The following NUP93 variants were observed in gnomAD, a reference collection of about 807,000 sequenced individuals.
The protein encoded by NUP93 is nucleoporin 93.
In NUP93, 55 loss-of-function variants were observed where a neutral mutation model predicts 107.8. The ratio of observed to expected loss-of-function variants is 0.51; its 90% CI spans 0.41 to 0.64. The LOEUF (loss-of-function observed/expected upper bound fraction) is 0.64, where lower values mean the gene tolerates loss of function less well. Among genes scored for constraint, NUP93 ranks in the 30% least tolerant of loss-of-function variants. The probability of loss-of-function intolerance (pLI) is 0.00; values close to 1 mark genes in which losing one functional copy is unlikely to be tolerated. For missense variants in NUP93, 937 were observed against 1,044.7 expected, an observed-to-expected ratio of 0.90 and a Z score of 1.42; for synonymous variants, 390 against 397.5, an observed-to-expected ratio of 0.98 and a Z score of 0.22.
At position 56,747,247 on chromosome 16, in the gene NUP93, G is replaced by A. The variant is rs1007971729; in HGVS notation, c.-14-987G>A. ...ACTCCTGACCTCAGGCGATCTGCCC[G>A]CCTCGGCCTCCCAGAGTGCTGGGAT... is the stretch of plus-strand genomic sequence containing the variant. On this transcript the variant is annotated intron_variant, in intron 1 of 21. Coordinates refer to ENST00000308159, the MANE Select transcript of NUP93 (RefSeq NM_014669.5). 1.2e-4 allele frequency among the ~76,000 whole-genome samples: 19 copies of A among 152,280 alleles called. No homozygotes were observed. In the East Asian group the frequency reaches 1.5e-3, roughly 12 times the overall value.
At chr16:56,827,969 A>G (rs1963702350) in intron 8 of NUP93, among the ~76,000 whole-genome samples, 2 of 152,218 alleles carry the variant, frequency 1.3e-5, no homozygotes, top group South Asian at 4.1e-4. Context: ...AAAACACGAA[A>G]ATTAGCTGGG....
intron 3 of NUP93, among the ~76,000 whole-genome samples, chr16:56,796,463 C>T (rs1354026621): frequency 1.3e-5 from 2 of 152,150 alleles, no homozygotes; most frequent in East Asian, 1.9e-4. Context: ...ATGATGAAAT[C>T]GCCTAGTAGG....
chr16:56,828,843 T>C, intron 8 of NUP93, 134 bp from the exon 9 acceptor site: 1 of 819,692 alleles, frequency 1.2e-6, no homozygotes, highest in South Asian at 1.7e-5. Flanking sequence ...GCATGTACTA[T>C]TTCCTCTTCT....
chr16:56,754,667 CACATGGTGCAAACCATCAGT>C (rs1343397546), intron 2 of NUP93, among the ~76,000 whole-genome samples: 1 of 152,196 alleles, frequency 6.6e-6, no homozygotes, highest in African/African-American at 2.4e-5. Flanking sequence ...CTTTTCTAGG[CACATGGTGCAAACCATCAGT>C]GGGTCTACCA....
intron 20 of NUP93, chr16:56,839,832 A>G: frequency 1.6e-5 from 8 of 501,190 alleles, no homozygotes; most frequent in Non-Finnish European, 2.2e-5. Flanking sequence ...CAGTCACTTC[A>G]GTGATTGACA....
intron 12 of NUP93, 66 bp from the exon 13 acceptor site, chr16:56,833,149 G>A: frequency 7.1e-7 from 1 of 1,414,152 alleles, no homozygotes; most frequent in Non-Finnish European, 9.6e-7. Flanking sequence ...CTGCCTGGGG[G>A]TTGGGCCACC....
chr16:56,840,996 C>CAA (rs11428485), intron 20 of NUP93, among the ~76,000 whole-genome samples: 1,002 of 98,142 alleles, frequency 0.01, 20 homozygotes, highest in African/African-American at 0.037. Flanking sequence ...GACTTTGTCT[C>CAA]AAAAAAAAAA....
intron 2 of NUP93, among the ~76,000 whole-genome samples, chr16:56,754,999 G>T (rs1961993190): frequency 6.6e-6 from 1 of 152,246 alleles, no homozygotes; most frequent in Non-Finnish European, 1.5e-5. Context: ...TGTTGGCGAG[G>T]ATGTGGGAAA....
chr16:56,831,592 A>G (rs983393957), intron 10 of NUP93: 4 of 416,452 alleles, frequency 9.6e-6, no homozygotes, highest in African/African-American at 6.1e-5. Flanking sequence ...ATTCCCTGGC[A>G]TTTCTCACCT....
intron 3 of NUP93, among the ~76,000 whole-genome samples, chr16:56,785,811 T>TAC (rs1160003933): frequency 7.0e-4 from 107 of 152,368 alleles, no homozygotes; most frequent in African/African-American, 2.4e-3. Flanking sequence ...AAAGATTTAA[T>TAC]TAGCACTTAT....
chr16:56,826,482 C>CTCCA (rs569940695), intron 8 of NUP93, among the ~76,000 whole-genome samples: 107 of 146,598 alleles, frequency 7.3e-4, no homozygotes, highest in African/African-American at 2.5e-3. Context: ...TGCCACTGCA[C>CTCCA]TCCAGTCTGG....
chr16:56,839,837 T>C (rs947896574), intron 20 of NUP93: 3 of 493,428 alleles, frequency 6.1e-6, no homozygotes, highest in South Asian at 4.3e-5. Flanking sequence ...ACTTCAGTGA[T>C]TGACATGTTC....
intron 2 of NUP93, among the ~76,000 whole-genome samples, chr16:56,751,302 A>T (rs1247989742): frequency 6.6e-6 from 1 of 152,206 alleles, no homozygotes; most frequent in East Asian, 1.9e-4. Context: ...GTAAACATTT[A>T]TTACCCCAAA....
At chr16:56,841,617 C>A in intron 20 of NUP93, 88 bp from the exon 21 acceptor site, 1 of 1,529,874 alleles carries the variant, frequency 6.5e-7, no homozygotes. Flanking sequence ...GCAACCAGGC[C>A]TGCCTGGAGC....
At position 56,832,003 on chromosome 16, in the gene NUP93, T is replaced by G. The variant is rs1461242749; in HGVS notation, c.1247T>G (p.Leu416Arg). The G allele has an allele frequency of 6.2e-7, 1 of 1,614,024 alleles. No homozygotes were observed. Reference sequence around the variant, plus strand: ...GACAAAACTGAGGATTACCTGTGGCTGAAGGTAGGCACTGTTTCCCCTGCC... The same window carrying G: ...GACAAAACTGAGGATTACCTGTGGCGGAAGGTAGGCACTGTTTCCCCTGCC... ...VADKTEDYLW[L>R]KLNQVCFDDD... Residue 416 changes from leucine to arginine, a missense_variant, in exon 11 of 22, where the codon CTG becomes CGG. By Grantham distance (102) the Leu-to-Arg change is moderately radical. Coordinates refer to ENST00000308159, the MANE Select transcript of NUP93 (RefSeq NM_014669.5).
At chr16:56,805,728 T>C in intron 5 of NUP93, 96 bp downstream of exon 5, 1 of 1,332,400 alleles carries the variant, frequency 7.5e-7, no homozygotes, top group South Asian at 1.3e-5. Context: ...AGTGGATCAC[T>C]GTCTTCCCCT....
At chr16:56,783,717 A>AGGC in intron 3 of NUP93, 1 of 985,300 alleles carries the variant, frequency 1.0e-6, no homozygotes, top group Non-Finnish European at 1.2e-6. Flanking sequence ...CTGTATTCTG[A>AGGC]AGGCAGCTGC....
In NUP93 at chr16:56,821,497, A is replaced by C; in HGVS notation, c.565-7A>C. ...TTTGCCATTTACTTTGCTTTTTATC[A>C]TTTCAGATTTATATCTATAATGAGA... On this transcript the variant is annotated splice_polypyrimidine_tract_variant and splice_region_variant and intron_variant, in intron 6 of 21. Coordinates refer to ENST00000308159, the MANE Select transcript of NUP93 (RefSeq NM_014669.5). 6.3e-7 allele frequency: 1 copy of C among 1,586,974 alleles called. No individual in the cohort carries two copies. The highest frequency in any genetic ancestry group is 8.7e-7 in the Non-Finnish European group (1 of 1,155,840).
rs759470640 is a variant in NUP93, at chr16:56,832,357, A to T, written c.1314A>T (p.Ser438=). ...CCCCACAAGACAGGCTCACTCTCTC[A>T]CAGTTCCAGAAGCAGTTGTTGGAAG... ...TSSPQDRLTL[S]QFQKQLLEDY... Residue 438 remains serine (S), a synonymous_variant, in exon 12 of 22, where the codon TCA becomes TCT. Transcript: ENST00000308159. 1 of 1,613,920 alleles carries T rather than the reference A, an allele frequency of 6.2e-7. No individual in the cohort carries two copies. The highest frequency in any genetic ancestry group is 8.5e-7 in the Non-Finnish European group (1 of 1,179,896).
Sources: gnomAD v4.1 joint callset for allele counts (sites outside exome capture counted in the v4.1 genomes callset) on GRCh38, gnomAD v4.1.1 for gene constraint, MANE v1.5 for transcripts, NCBI Gene and HGNC (gene_info 2026-07-23, HGNC 2026-07-21) for gene names.